CIT: variants seen among roughly 807,000 people sequenced by gnomAD.
CIT encodes the protein citron Rho-interacting kinase.
In CIT, 79 loss-of-function variants were observed where a neutral mutation model predicts 272.7. The observed-to-expected ratio is 0.29, with a 90% CI of 0.24 to 0.35. The LOEUF (loss-of-function observed/expected upper bound fraction) is 0.35. Ranked by LOEUF, CIT falls within the 10% of genes least tolerant of loss-of-function variation. The pLI, the probability that CIT is intolerant of heterozygous loss-of-function variation, is 1.00. For missense variants in CIT, 1,909 were observed against 2,618.3 expected, an observed-to-expected ratio of 0.73 and a Z score of 5.91; for synonymous variants, 948 against 995.6, an observed-to-expected ratio of 0.95 and a Z score of 0.90.
At chr12:119,806,399 C>G (rs1484182259) in intron 9 of CIT, among the ~76,000 whole-genome samples, 1 of 152,062 alleles carries the variant, frequency 6.6e-6, no homozygotes. Context: ...GAGATGTTTA[C>G]CCTTGTCCAG....
intron 10 of CIT, among the ~76,000 whole-genome samples, chr12:119,798,162 C>T (rs192547779): frequency 2.0e-3 from 304 of 152,214 alleles, no homozygotes; most frequent in African/African-American, 6.8e-3. Context: ...AGAGCTATAC[C>T]GTCTACCTAC....
intron 12 of CIT, chr12:119,783,371 AAGACAATGG>A (rs1176656430): frequency 6.6e-6 from 1 of 152,360 alleles, no homozygotes; most frequent in African/African-American, 2.4e-5. Context: ...AAAATTTAAC[AAGACAATGG>A]AGAAGAAGAC....
intron 18 of CIT, among the ~76,000 whole-genome samples, chr12:119,767,454 C>T (rs1197265918): frequency 6.6e-6 from 1 of 152,220 alleles, no homozygotes; most frequent in Non-Finnish European, 1.5e-5. Context: ...CGAACAAAGG[C>T]AGCTCTTCAT....
intron 40 of CIT, among the ~76,000 whole-genome samples, chr12:119,706,640 A>T (rs1416931124): frequency 6.6e-6 from 1 of 152,240 alleles, no homozygotes; most frequent in East Asian, 1.9e-4. Context: ...AGAGCTGCAT[A>T]ATATTCCATG....
intron 5 of CIT, among the ~76,000 whole-genome samples, chr12:119,849,037 C>A (rs1025836469): frequency 6.6e-6 from 1 of 151,470 alleles, no homozygotes; most frequent in Non-Finnish European, 1.5e-5. Flanking sequence ...AAAGAAACAT[C>A]CCCCACCATG....
intron 10 of CIT, among the ~76,000 whole-genome samples, chr12:119,800,904 A>C (rs559823335): frequency 6.6e-6 from 1 of 152,204 alleles, no homozygotes; most frequent in Admixed American, 6.5e-5. Flanking sequence ...CAACAGGTGG[A>C]TGAATTTCTA....
chr12:119,815,914 TGCTATGG>T (rs1967141613), intron 9 of CIT, among the ~76,000 whole-genome samples: 1 of 152,190 alleles, frequency 6.6e-6, no homozygotes, highest in African/African-American at 2.4e-5. Context: ...GTGAATTTTC[TGCTATGG>T]GCTATACCAC....
intron 5 of CIT, among the ~76,000 whole-genome samples, chr12:119,837,985 T>TA (rs1443688710): frequency 6.6e-6 from 1 of 152,228 alleles, no homozygotes; most frequent in Non-Finnish European, 1.5e-5. Context: ...GCCACTATTC[T>TA]AGATGTTAGG....
At chr12:119,742,886 C>T (rs113249734) in intron 23 of CIT, 3 of 157,786 alleles carry the variant, frequency 1.9e-5, no homozygotes, top group South Asian at 1.9e-4. Flanking sequence ...CACACACACA[C>T]ACACACACAT....
intron 10 of CIT, among the ~76,000 whole-genome samples, chr12:119,799,574 G>A (rs906904648): frequency 1.3e-5 from 2 of 152,156 alleles, no homozygotes; most frequent in Non-Finnish European, 2.9e-5. Flanking sequence ...TCAAAAGGAA[G>A]AGAGTGCCCC....
chr12:119,760,838 A>G, intron 20 of CIT, 101 bp downstream of exon 20: 2 of 799,304 alleles, frequency 2.5e-6, no homozygotes, highest in South Asian at 1.5e-5. Context: ...GATTCAACAG[A>G]AGGAATTTCA....
At chr12:119,779,791 G>A (rs193046134) in intron 13 of CIT, among the ~76,000 whole-genome samples, 3 of 152,242 alleles carry the variant, frequency 2.0e-5, no homozygotes, top group East Asian at 3.9e-4. Context: ...CAAGCTCTCG[G>A]GGCACCCAGT....
chr12:119,717,492 C>T (rs1228507023), intron 32 of CIT, among the ~76,000 whole-genome samples: 2 of 141,142 alleles, frequency 1.4e-5, no homozygotes, highest in Non-Finnish European at 3.0e-5. Context: ...GTGATCTCGG[C>T]TCACTGCAAC....
At chr12:119,752,461 T>C (rs527670928) in intron 22 of CIT, among the ~76,000 whole-genome samples, 6 of 152,318 alleles carry the variant, frequency 3.9e-5, no homozygotes, top group Admixed American at 2.6e-4. Context: ...GTAAGGGCTA[T>C]ATCTCCTAAC....
At chr12:119,783,717 T>C (rs909384542) in intron 12 of CIT, 191 bp downstream of exon 12, 1 of 587,698 alleles carries the variant, frequency 1.7e-6, no homozygotes, top group Non-Finnish European at 2.8e-6. Flanking sequence ...ATGAGTCCAA[T>C]CTCATTTCTT....
At chr12:119,730,057 C>T (rs1958349817) in intron 27 of CIT, among the ~76,000 whole-genome samples, 1 of 152,162 alleles carries the variant, frequency 6.6e-6, no homozygotes, top group Admixed American at 6.5e-5. Flanking sequence ...TCATCAGACC[C>T]TATCACGACC....
intron 23 of CIT, among the ~76,000 whole-genome samples, chr12:119,751,808 A>G (rs1478038883): frequency 6.6e-6 from 1 of 152,242 alleles, no homozygotes; most frequent in African/African-American, 2.4e-5. Flanking sequence ...AGGAAAATAT[A>G]TAAGTAAAGG....
At chr12:119,831,711 T>C (rs1288022968) in intron 7 of CIT, among the ~76,000 whole-genome samples, 1 of 151,884 alleles carries the variant, frequency 6.6e-6, no homozygotes, top group Admixed American at 6.6e-5. Flanking sequence ...CTACTAAAAA[T>C]ACAAAAAATT....
chr12:119,840,001 A>T (rs1013019071), intron 5 of CIT, among the ~76,000 whole-genome samples: 2 of 152,222 alleles, frequency 1.3e-5, no homozygotes, highest in Non-Finnish European at 2.9e-5. Flanking sequence ...CAGCAGCAGC[A>T]TTACCTGGAA....
Sources: allele counts gnomAD v4.1 joint callset (sites outside exome capture counted in the v4.1 genomes callset), GRCh38; gene constraint gnomAD v4.1.1; transcripts MANE v1.5; gene names NCBI Gene and HGNC (gene_info 2026-07-23, HGNC 2026-07-21).